Variants in INPP4B observed in about 807,000 individuals in gnomAD.
The protein encoded by INPP4B is inositol polyphosphate-4-phosphatase type II B, also known as inositol polyphosphate 4-phosphatase type II.
In INPP4B, 55 loss-of-function variants were observed where a neutral mutation model predicts 122.5. That is an observed-to-expected ratio of 0.45 (90% CI 0.36 to 0.56). The LOEUF (loss-of-function observed/expected upper bound fraction) is 0.56, where lower values mean the gene tolerates loss of function less well. Ranked by LOEUF, INPP4B falls within the 20% of genes least tolerant of loss-of-function variation. The pLI is 0.00. For missense variants in INPP4B, 1,000 were observed against 1,097.7 expected, an observed-to-expected ratio of 0.91 and a Z score of 1.26; for synonymous variants, 403 against 388.7, an observed-to-expected ratio of 1.04 and a Z score of -0.43.
intron 7 of INPP4B, among the ~76,000 whole-genome samples, chr4:142,384,386 T>C (rs1795229227): frequency 6.6e-6 from 1 of 152,188 alleles, no homozygotes; most frequent in African/African-American, 2.4e-5. Flanking sequence ...CAAACCTAGA[T>C]AGTATTGCCT....
intron 2 of INPP4B, among the ~76,000 whole-genome samples, chr4:142,649,969 A>T (rs775170500): frequency 1.5e-3 from 235 of 152,326 alleles, no homozygotes; most frequent in Non-Finnish European, 1.8e-3. Flanking sequence ...CCAGAGAGAA[A>T]GGTTGGGTTA....
intron 12 of INPP4B, among the ~76,000 whole-genome samples, chr4:142,223,928 C>A (rs1009009222): frequency 6.6e-6 from 1 of 152,086 alleles, no homozygotes; most frequent in South Asian, 2.1e-4. Flanking sequence ...AACACATCTA[C>A]GAAGTTTATT....
chr4:142,322,284 T>TA lies in INPP4B; in HGVS notation c.373-7523dup, dbSNP rs771604908. Among the ~76,000 whole-genome samples, 353 of 148,290 alleles carry TA rather than the reference T, an allele frequency of 2.4e-3. 3 individuals are homozygous for TA. Among genetic ancestry groups the TA allele is most frequent in the East Asian group, 0.021 (106 of 5,100 alleles). On this transcript the variant is annotated intron_variant, in intron 7 of 25. Transcript: ENST00000262992. ...GATGCAAGGAATCTCTCAGTTAATC[T>TA]AAAAAAAAAACTAGGCAATATGAAA...
intron 2 of INPP4B, among the ~76,000 whole-genome samples, chr4:142,571,794 C>T (rs1490812690): frequency 4.0e-5 from 6 of 151,888 alleles, no homozygotes; most frequent in Non-Finnish European, 2.9e-5. Flanking sequence ...GTAAACAGAG[C>T]ACAAGTTATT....
intron 2 of INPP4B, among the ~76,000 whole-genome samples, chr4:142,576,502 A>C (rs1177273845): frequency 1.3e-5 from 2 of 151,960 alleles, no homozygotes; most frequent in Non-Finnish European, 2.9e-5. Context: ...AATATATAAA[A>C]AAATATAGTA....
intron 14 of INPP4B, among the ~76,000 whole-genome samples, chr4:142,203,952 T>G (rs909313172): frequency 3.9e-5 from 6 of 152,198 alleles, no homozygotes; most frequent in African/African-American, 1.4e-4. Context: ...AACATTCAAA[T>G]CAGTAGCCAC....
intron 8 of INPP4B, among the ~76,000 whole-genome samples, chr4:142,308,450 C>T (rs921945854): frequency 3.3e-5 from 5 of 152,088 alleles, no homozygotes; most frequent in Admixed American, 1.3e-4. Flanking sequence ...TTGTTTTATG[C>T]TGCAACAACA....
intron 7 of INPP4B, 127 bp downstream of exon 7, chr4:142,402,811 A>G (rs377482787): frequency 3.1e-6 from 2 of 642,990 alleles, no homozygotes; most frequent in African/African-American, 1.9e-5. Context: ...ACAACAAACG[A>G]TAAACATAAG....
intron 2 of INPP4B, among the ~76,000 whole-genome samples, chr4:142,542,716 T>C (rs1829085243): frequency 1.3e-5 from 2 of 152,180 alleles, no homozygotes; most frequent in Non-Finnish European, 1.5e-5. Flanking sequence ...ACCAATTTCA[T>C]ATGAAGCTCA....
intron 25 of INPP4B, among the ~76,000 whole-genome samples, chr4:142,074,404 T>C (rs1395672157): frequency 6.6e-6 from 1 of 152,092 alleles, no homozygotes; most frequent in Non-Finnish European, 1.5e-5. Flanking sequence ...ACTCTTACAG[T>C]ACAAGTATTG....
Position 142,293,037 on chromosome 4 carries a change from AC to A in INPP4B, c.503+12420del, listed in dbSNP as rs989270331. Among the ~76,000 whole-genome samples, 20 of 109,902 alleles carry A rather than the reference AC, an allele frequency of 1.8e-4. 1 individual carries two copies. The highest frequency in any genetic ancestry group is 7.4e-4 in the Admixed American group (6 of 8,094). The allele number at this position is 109,902 out of a possible 152,430, so 72.1% of individuals were successfully genotyped here. On this transcript the variant is annotated intron_variant, in intron 9 of 25. Coordinates refer to ENST00000262992, the MANE Select transcript of INPP4B (RefSeq NM_001101669.3). ...AAAAAGGTAATTACCTAATTTTTAT[AC>A]CCTTTTTTTTTTTTTTTAAGACAGA...
At chr4:142,519,408 G>A (rs1284324832) in intron 2 of INPP4B, among the ~76,000 whole-genome samples, 2 of 152,060 alleles carry the variant, frequency 1.3e-5, no homozygotes, top group African/African-American at 2.4e-5. Context: ...GACTACTGCT[G>A]ATATAATTTT....
At chr4:142,821,789 CT>C (rs1282932094) in intron 1 of INPP4B, among the ~76,000 whole-genome samples, 1 of 152,120 alleles carries the variant, frequency 6.6e-6, no homozygotes, top group East Asian at 1.9e-4. Flanking sequence ...AAACACTAGT[CT>C]GACCGTTATG....
At chr4:142,372,860 C>G (rs1000076424) in intron 7 of INPP4B, among the ~76,000 whole-genome samples, 1 of 152,008 alleles carries the variant, frequency 6.6e-6, no homozygotes, top group African/African-American at 2.4e-5. Flanking sequence ...TACACTGACT[C>G]CTGCTGCCTT....
intron 7 of INPP4B, among the ~76,000 whole-genome samples, chr4:142,374,993 A>T (rs1267875807): frequency 2.6e-5 from 4 of 151,892 alleles, no homozygotes; most frequent in African/African-American, 9.7e-5. Flanking sequence ...TAAACACCCT[A>T]AACTAATACA....
At chr4:142,255,090 T>C (rs1456370272) in intron 11 of INPP4B, among the ~76,000 whole-genome samples, 1 of 151,972 alleles carries the variant, frequency 6.6e-6, no homozygotes, top group African/African-American at 2.4e-5. Context: ...CAGAATTTCA[T>C]ATCCAGCCAA....
intron 2 of INPP4B, among the ~76,000 whole-genome samples, chr4:142,693,703 G>A (rs1007909178): frequency 3.3e-5 from 5 of 151,984 alleles, no homozygotes; most frequent in Non-Finnish European, 7.4e-5. Flanking sequence ...TTGAACAAGT[G>A]ATGGTACAAT....
chr4:142,365,634 A>G (rs1787171480), intron 7 of INPP4B, among the ~76,000 whole-genome samples: 1 of 152,142 alleles, frequency 6.6e-6, no homozygotes, highest in Admixed American at 6.6e-5. Flanking sequence ...TATTCACAAC[A>G]TTAGTCACTC....
At chr4:142,714,497 G>C (rs1763519322) in intron 2 of INPP4B, among the ~76,000 whole-genome samples, 1 of 152,176 alleles carries the variant, frequency 6.6e-6, no homozygotes, top group Non-Finnish European at 1.5e-5. Context: ...ATTGCAGCTT[G>C]TGGTGCTTTT....
Sources: allele counts gnomAD v4.1 joint callset (sites outside exome capture counted in the v4.1 genomes callset), GRCh38; gene constraint gnomAD v4.1.1; transcripts MANE v1.5; gene names NCBI Gene and HGNC (gene_info 2026-07-23, HGNC 2026-07-21).